The following PRMT8 variants were observed in gnomAD, a reference collection of about 807,000 sequenced individuals.
PRMT8 encodes the protein protein arginine N-methyltransferase 8.
PRMT8 carries 7 observed loss-of-function variants against 47.1 expected under a neutral mutation model. That is an observed-to-expected ratio of 0.15 (90% CI 0.08 to 0.28). The LOEUF is 0.28. PRMT8 is among the 10% of genes least tolerant of loss of function. The pLI, the probability that PRMT8 is intolerant of heterozygous loss-of-function variation, is 1.00. For synonymous variants in PRMT8, 188 were observed against 186.5 expected, an observed-to-expected ratio of 1.01 and a Z score of -0.07; for missense variants, 237 against 505.4, an observed-to-expected ratio of 0.47 and a Z score of 5.09.
intron 1 of PRMT8, among the ~76,000 whole-genome samples, chr12:3,392,080 G>A (rs1864197885): frequency 6.6e-6 from 1 of 152,182 alleles, no homozygotes; most frequent in South Asian, 2.1e-4. Context: ...AATGTTTCTG[G>A]TATGCAGGAT....
upstream of PRMT8, among the ~76,000 whole-genome samples, chr12:3,489,059 C>T (rs570484657): frequency 1.4e-4 from 21 of 152,156 alleles, no homozygotes; most frequent in Non-Finnish European, 2.4e-4. Context: ...ATAGGCTCCT[C>T]ACTCACAGCC....
intron 2 of PRMT8, among the ~76,000 whole-genome samples, chr12:3,549,312 C>T (rs1398961242): frequency 6.6e-6 from 1 of 152,056 alleles, no homozygotes; most frequent in East Asian, 1.9e-4. Context: ...AAATTCACCC[C>T]AATACTTTTG....
chr12:3,569,933 T>C lies in PRMT8; in HGVS notation c.712+369T>C, dbSNP rs1866815882. Among the ~76,000 whole-genome samples, 1 of 152,232 alleles carries C rather than the reference T, an allele frequency of 6.6e-6. No individual in the cohort carries two copies. On this transcript the variant is annotated intron_variant, in intron 6 of 9. Transcript: ENST00000382622. This position sits in a 1 kb window ranked among gnomAD's most constrained non-coding sequence, Gnocchi z 8.2. ...AGCCCAAAAGTCCACCGCAGGGGTCTGAAGTAGCAGGTCTCTTGCCAGGCC... is the reference window on the plus strand; with the variant it reads ...AGCCCAAAAGTCCACCGCAGGGGTCCGAAGTAGCAGGTCTCTTGCCAGGCC...
At chr12:3,587,358 G>A (rs1320902629) in intron 8 of PRMT8, among the ~76,000 whole-genome samples, 2 of 150,740 alleles carry the variant, frequency 1.3e-5, no homozygotes, top group Non-Finnish European at 3.0e-5. Flanking sequence ...ATTACTATTA[G>A]AAGGTAAATA....
In PRMT8 at chr12:3,480,161, A is replaced by G. The variant is rs11062669; in HGVS notation, c.49-60445A>G. On this transcript the variant is annotated intron_variant, in intron 1 of 9. Coordinates refer to the PRMT8 transcript ENST00000452611. ...GCTTGAATGCCATATTTTAAAACAGATGATTTCTGCCCAAAGACCATGAGC... is the reference window on the plus strand; with the variant it reads ...GCTTGAATGCCATATTTTAAAACAGGTGATTTCTGCCCAAAGACCATGAGC... 3.0e-3 allele frequency among the ~76,000 whole-genome samples: 457 copies of G among 152,342 alleles called. 12 individuals are homozygous for G. In the East Asian group the frequency reaches 0.065, roughly 22 times the overall value.
rs138172724 is a variant in PRMT8, at chr12:3,472,185, G to T, written c.49-68421G>T. ...AGAAAAGGTGATCGGAAAGGTGTGT[G>T]GTGTTCCTTCTGGCTACAGGAGGTG... On this transcript the variant is annotated intron_variant, in intron 1 of 9. Coordinates refer to the PRMT8 transcript ENST00000452611. 4.9e-3 allele frequency among the ~76,000 whole-genome samples: 743 copies of T among 152,320 alleles called. 15 individuals carry two copies. The highest frequency in any genetic ancestry group is 0.042 in the Admixed American group (639 of 15,308).
chr12:3,529,897 T>G (rs1476114999), intron 1 of PRMT8, among the ~76,000 whole-genome samples: 1 of 152,196 alleles, frequency 6.6e-6, no homozygotes, highest in African/African-American at 2.4e-5. Context: ...CATCATTACC[T>G]GCAGAGAGGG....
intron 2 of PRMT8, among the ~76,000 whole-genome samples, chr12:3,541,789 G>A (rs1866235761): frequency 6.6e-6 from 1 of 152,282 alleles, no homozygotes; most frequent in Admixed American, 6.5e-5. Context: ...CTACGTGCTG[G>A]TGTTGTTCCA....
intron 1 of PRMT8, among the ~76,000 whole-genome samples, chr12:3,526,078 T>C (rs1424311485): frequency 3.3e-5 from 5 of 152,198 alleles, no homozygotes; most frequent in Admixed American, 3.3e-4. Context: ...TCTGTCTGTA[T>C]AATTCTGACG....
intron 1 of PRMT8, among the ~76,000 whole-genome samples, chr12:3,438,219 C>T (rs1356271995): frequency 6.6e-6 from 1 of 152,162 alleles, no homozygotes; most frequent in African/African-American, 2.4e-5. Context: ...AGGGAGGCTG[C>T]TCTGGTGGAG....
intron 1 of PRMT8, among the ~76,000 whole-genome samples, chr12:3,484,073 T>G (rs929597449): frequency 6.6e-6 from 1 of 152,194 alleles, no homozygotes; most frequent in African/African-American, 2.4e-5. Flanking sequence ...ATGAACACAG[T>G]AATTAACATT....
intron 1 of PRMT8, among the ~76,000 whole-genome samples, chr12:3,393,855 A>G (rs1343629842): frequency 2.7e-3 from 340 of 128,206 alleles, no homozygotes; most frequent in Non-Finnish European, 2.9e-3. Context: ...AGCATGGAAT[A>G]TTCTTCCATT....
intron 1 of PRMT8, among the ~76,000 whole-genome samples, chr12:3,386,932 A>T (rs1457043479): frequency 1.3e-5 from 2 of 150,928 alleles, no homozygotes; most frequent in Non-Finnish European, 3.0e-5. Flanking sequence ...CTGGTCTCGA[A>T]CTCCTGACCT....
At chr12:3,397,118 A>AT (rs1267830754) in intron 1 of PRMT8, among the ~76,000 whole-genome samples, 2 of 150,540 alleles carry the variant, frequency 1.3e-5, no homozygotes. Context: ...ATTCTTCTAA[A>AT]TTTTTTTCAA....
chr12:3,421,253 G>A (rs1243387461), intron 1 of PRMT8, among the ~76,000 whole-genome samples: 1 of 152,184 alleles, frequency 6.6e-6, no homozygotes, highest in East Asian at 1.9e-4. Flanking sequence ...GGCTTTGGCA[G>A]CCTCCCAAGT....
At chr12:3,407,946 A>G (rs940315107) in intron 1 of PRMT8, among the ~76,000 whole-genome samples, 3 of 151,014 alleles carry the variant, frequency 2.0e-5, no homozygotes, top group Non-Finnish European at 4.4e-5. Context: ...TGAATTCTTC[A>G]GTTTCAGGAT....
intron 1 of PRMT8, among the ~76,000 whole-genome samples, chr12:3,438,029 C>T (rs1394255439): frequency 6.6e-6 from 1 of 152,130 alleles, no homozygotes; most frequent in Non-Finnish European, 1.5e-5. Context: ...TGGAGAAATG[C>T]AGATCCAGCT....
chr12:3,518,062 A>C (rs867069213), intron 1 of PRMT8, among the ~76,000 whole-genome samples: 2 of 152,170 alleles, frequency 1.3e-5, no homozygotes, highest in Middle Eastern at 3.4e-3. Context: ...AAGCATAGTA[A>C]ACAGCCCTTG....
At chr12:3,590,020 T>C (rs143970228) in intron 8 of PRMT8, among the ~76,000 whole-genome samples, 1 of 152,284 alleles carries the variant, frequency 6.6e-6, no homozygotes, top group East Asian at 1.9e-4. Flanking sequence ...TATTTAGAGG[T>C]AGCTGGGAGA....
Sources: gnomAD v4.1 joint callset for allele counts (sites outside exome capture counted in the v4.1 genomes callset) on GRCh38, gnomAD v4.1.1 for gene constraint, Gnocchi (gnomAD v3.1) non-coding constraint, MANE v1.5 for transcripts, NCBI Gene and HGNC (gene_info 2026-07-23, HGNC 2026-07-21) for gene names.